The following ATAD1 variants were observed in gnomAD, a reference collection of about 807,000 sequenced individuals.
ATAD1 encodes the protein outer mitochondrial transmembrane helix translocase.
A neutral mutation model predicts 42.7 loss-of-function variants in ATAD1; 18 were observed. That is an observed-to-expected ratio of 0.42 (90% CI 0.29 to 0.63). The LOEUF (loss-of-function observed/expected upper bound fraction) is 0.63. ATAD1 is among the 20% of genes least tolerant of loss of function. The probability of loss-of-function intolerance (pLI) is 0.19; values close to 1 mark genes in which losing one functional copy is unlikely to be tolerated. For missense variants in ATAD1, 294 were observed against 440.4 expected (o/e 0.67, Z 2.98); for synonymous variants, 132 against 143.1 (o/e 0.92, Z 0.55).
intron 2 of ATAD1, among the ~76,000 whole-genome samples, chr10:87,807,857 C>T (rs1856995027): frequency 6.6e-6 from 1 of 152,104 alleles, no homozygotes; most frequent in Admixed American, 6.5e-5. Flanking sequence ...GGATTGCCTT[C>T]CCTATTTATA....
At chr10:87,804,318 C>A (rs1856830028) in intron 2 of ATAD1, among the ~76,000 whole-genome samples, 1 of 152,152 alleles carries the variant, frequency 6.6e-6, no homozygotes, top group South Asian at 2.1e-4. Flanking sequence ...TGTATGAAAT[C>A]TTTCCTGGCC....
At position 87,754,739 on chromosome 10, in the gene ATAD1, T is replaced by G; in HGVS notation, c.1034A>C (p.Lys345Thr). Reference sequence around the variant, plus strand: ...ATTCTGAAATGCTGCATCCTTTGATTTCTTCATCTTTTCAATTGCCCGATG... The same window carrying G: ...ATTCTGAAATGCTGCATCCTTTGATGTCTTCATCTTTTCAATTGCCCGATG... ...DLHRAIEKMK[K>T]SKDAAFQNVL... Residue 345 changes from lysine (K) to threonine (T), a missense_variant, in exon 10 of 10, where the codon AAA becomes ACA. Lys to Thr is a moderately conservative substitution (Grantham distance 78). This residue lies in a region of ATAD1 where 142 missense variants were observed against 174.6 expected (regional missense o/e 0.81). Transcript: ENST00000680024. 1 of 1,613,802 alleles carries G rather than the reference T, an allele frequency of 6.2e-7. No individual in the cohort carries two copies. Among genetic ancestry groups the G allele is most frequent in the Non-Finnish European group, 8.5e-7 (1 of 1,179,790 alleles).
At chr10:87,808,034 C>T (rs987916600) in intron 2 of ATAD1, among the ~76,000 whole-genome samples, 1 of 152,040 alleles carries the variant, frequency 6.6e-6, no homozygotes, top group African/African-American at 2.4e-5. Flanking sequence ...ATTTTTGATG[C>T]TACTATATAA....
At chr10:87,806,053 C>T (rs567127747) in intron 2 of ATAD1, among the ~76,000 whole-genome samples, 1 of 152,220 alleles carries the variant, frequency 6.6e-6, no homozygotes, top group South Asian at 2.1e-4. Flanking sequence ...AGAGGGATAA[C>T]CAAATAATCT....
At chr10:87,790,499 C>A in intron 3 of ATAD1, 69 bp from the exon 4 acceptor site, 2 of 1,446,028 alleles carry the variant, frequency 1.4e-6, no homozygotes, top group South Asian at 1.4e-5. Context: ...AAGAACGCTC[C>A]CAAAATTACA....
At chr10:87,828,649 A>G (rs940780894) in intron 1 of ATAD1, among the ~76,000 whole-genome samples, 34 of 152,358 alleles carry the variant, frequency 2.2e-4, no homozygotes, top group Non-Finnish European at 4.1e-4. Context: ...TTCAATGTAG[A>G]CAAAACAGCC....
At chr10:87,816,701 C>T (rs1028632868) in intron 1 of ATAD1, among the ~76,000 whole-genome samples, 3 of 152,166 alleles carry the variant, frequency 2.0e-5, no homozygotes, top group Non-Finnish European at 2.9e-5. Context: ...TATTTCACTT[C>T]TCATAGGAAG....
At chr10:87,829,123 C>G (rs1857780899) in intron 1 of ATAD1, among the ~76,000 whole-genome samples, 1 of 152,202 alleles carries the variant, frequency 6.6e-6, no homozygotes, top group East Asian at 1.9e-4. Context: ...AGTCTTATTA[C>G]TAGAGAAATA....
chr10:87,787,530 G>C (rs569071935), intron 4 of ATAD1, among the ~76,000 whole-genome samples: 1 of 152,190 alleles, frequency 6.6e-6, no homozygotes, highest in African/African-American at 2.4e-5. Flanking sequence ...GAGGCAGGAG[G>C]ATCATTTGAG....
intron 8 of ATAD1, among the ~76,000 whole-genome samples, chr10:87,760,429 G>A (rs906984527): frequency 6.6e-6 from 1 of 152,136 alleles, no homozygotes; most frequent in Non-Finnish European, 1.5e-5. Flanking sequence ...CTTTGACCAT[G>A]ATTGTTAAGT....
At chr10:87,784,761 A>C in intron 4 of ATAD1, 91 bp from the exon 5 acceptor site, 1 of 1,212,540 alleles carries the variant, frequency 8.2e-7, no homozygotes, top group South Asian at 1.5e-5. Flanking sequence ...TTCCACAAAA[A>C]ACTTTCCCAA....
At chr10:87,805,450 G>A (rs1856878563) in intron 2 of ATAD1, among the ~76,000 whole-genome samples, 1 of 152,062 alleles carries the variant, frequency 6.6e-6, no homozygotes, top group Non-Finnish European at 1.5e-5. Flanking sequence ...TAATGCTTGA[G>A]AATAGTAACA....
Position 87,761,993 on chromosome 10 carries a change from C to G in ATAD1, c.832-5071G>C, listed in dbSNP as rs189332139. 1.3e-3 allele frequency among the ~76,000 whole-genome samples: 194 copies of G among 152,228 alleles called. 1 individual carries two copies. Among genetic ancestry groups the G allele is most frequent in the South Asian group, 0.01 (50 of 4,818 alleles). On this transcript the variant is annotated intron_variant, in intron 8 of 9. Coordinates refer to ENST00000680024, the MANE Select transcript of ATAD1 (RefSeq NM_001321967.2). ...CTCCTGGCCTCAAGTGATCCTCCCA[C>G]CATGACCTTCAGAAGTGCTAGGATT...
chr10:87,833,678 G>A (rs1857875986), intron 1 of ATAD1, among the ~76,000 whole-genome samples: 1 of 148,968 alleles, frequency 6.7e-6, no homozygotes, highest in Admixed American at 6.7e-5. Flanking sequence ...TAATCTGAAT[G>A]GATGTTGAAG....
intron 1 of ATAD1, among the ~76,000 whole-genome samples, chr10:87,829,911 C>G (rs1325110414): frequency 6.6e-6 from 1 of 152,186 alleles, no homozygotes. Context: ...AAAGCAGTGG[C>G]AGTGTTTGAG....
At chr10:87,833,072 C>G (rs1857863310) in intron 1 of ATAD1, 1 of 152,222 alleles carries the variant, frequency 6.6e-6, no homozygotes, top group Non-Finnish European at 1.5e-5. Flanking sequence ...CTCCCTCAGA[C>G]TCCTGAGTAC....
At chr10:87,785,177 T>C (rs1029440049) in intron 4 of ATAD1, among the ~76,000 whole-genome samples, 39 of 152,306 alleles carry the variant, frequency 2.6e-4, no homozygotes, top group African/African-American at 8.2e-4. Flanking sequence ...CAGTCACTCC[T>C]GTTTTAATTT....
At chr10:87,829,199 T>C (rs1054819954) in intron 1 of ATAD1, among the ~76,000 whole-genome samples, 3 of 151,816 alleles carry the variant, frequency 2.0e-5, no homozygotes, top group Non-Finnish European at 2.9e-5. Flanking sequence ...GGACAGTAAA[T>C]TGAGAAACTT....
At position 87,818,192 on chromosome 10, in the gene ATAD1, G is replaced by A; in HGVS notation, c.-39C>T. 1.0e-6 allele frequency: 1 copy of A among 985,706 alleles called. No individual in the cohort carries two copies. The highest frequency in any genetic ancestry group is 1.2e-6 in the Non-Finnish European group (1 of 830,124). The allele number at this position is 985,706 out of a possible 1,614,324, so 61.1% of individuals were successfully genotyped here. A position where few individuals can be genotyped will look rare whatever the true frequency, so the allele number is the denominator to read the frequency against. Reference sequence around the variant, plus strand: ...CCAGGGGCAGAAACAGCAAGAGCAAGTGCCCTCAGCCGGCCTCACACAGGA... The same window carrying A: ...CCAGGGGCAGAAACAGCAAGAGCAAATGCCCTCAGCCGGCCTCACACAGGA... On this transcript the variant is annotated 5_prime_UTR_variant, in exon 1 of 10. Transcript: ENST00000680024.
Sources: gnomAD v4.1 joint callset for allele counts (sites outside exome capture counted in the v4.1 genomes callset) on GRCh38, gnomAD v4.1.1 for gene constraint, gnomAD v4.1.1 regional missense constraint, MANE v1.5 for transcripts, NCBI Gene and HGNC (gene_info 2026-07-23, HGNC 2026-07-21) for gene names.